Variants in BMS1 observed in about 807,000 individuals in gnomAD.
BMS1 encodes the protein ribosome biogenesis protein BMS1 homolog.
A neutral mutation model predicts 138.7 loss-of-function variants in BMS1; 53 were observed. The observed-to-expected ratio is 0.38, with a 90% CI of 0.31 to 0.48. The LOEUF (loss-of-function observed/expected upper bound fraction) is 0.48, where lower values mean the gene tolerates loss of function less well. BMS1 is among the 20% of genes least tolerant of loss of function. The probability of loss-of-function intolerance (pLI) is 0.97; values close to 1 mark genes in which losing one functional copy is unlikely to be tolerated. For synonymous variants in BMS1, 504 were observed against 539.9 expected (o/e 0.93, Z 0.92); for missense variants, 1,360 against 1,565.5 (o/e 0.87, Z 2.22).
In BMS1 at chr10:42,783,861, A is replaced by AT. The variant is rs1021110901; in HGVS notation, c.-33-494dup. Among the ~76,000 whole-genome samples, 36 of 152,318 alleles carry AT rather than the reference A, an allele frequency of 2.4e-4. 1 individual carries two copies. The highest frequency in any genetic ancestry group is 1.7e-3 in the Admixed American group (26 of 15,304). ...TTGGAGGTTCATAAAAACGTTTCAC[A>AT]TTTTTTTATTAAAATTTAAGTTTTA... On this transcript the variant is annotated intron_variant, in intron 1 of 22. Transcript: ENST00000374518.
chr10:42,806,940 T>C (rs1261244981), intron 13 of BMS1, among the ~76,000 whole-genome samples: 1 of 152,192 alleles, frequency 6.6e-6, no homozygotes, highest in African/African-American at 2.4e-5. Context: ...ATATATGTAC[T>C]ATGTATACTA....
rs147171869 is a variant in BMS1 at position 42,814,396 on chromosome 10, A to ATT, written c.2330-2195_2330-2194dup. On this transcript the variant is annotated intron_variant, in intron 13 of 22. Transcript: ENST00000374518. ...TACTCAATAGAGCCCATCTAGATAG[A>ATT]TTTTTTTTTAATTTCTGTTACTGTA... is the stretch of plus-strand genomic sequence containing the variant. Among the ~76,000 whole-genome samples, 766 of 151,362 alleles carry ATT rather than the reference A, an allele frequency of 5.1e-3. 6 individuals carry two copies. The highest frequency in any genetic ancestry group is 0.013 in the Admixed American group (197 of 15,220).
At chr10:42,827,826 C>T (rs1010603826) in intron 21 of BMS1, among the ~76,000 whole-genome samples, 7 of 152,032 alleles carry the variant, frequency 4.6e-5, no homozygotes, top group African/African-American at 1.5e-4. Flanking sequence ...AGGGGATGAG[C>T]GCAAGGGGCT....
chr10:42,830,556 C>G, intron 22 of BMS1, 134 bp downstream of exon 22: 1 of 1,255,988 alleles, frequency 8.0e-7, no homozygotes, highest in Non-Finnish European at 1.1e-6. Context: ...GAGCCAGAGT[C>G]CATTTCCCTT....
intron 12 of BMS1, among the ~76,000 whole-genome samples, chr10:42,801,499 C>T (rs1472078226): frequency 1.3e-5 from 2 of 152,228 alleles, no homozygotes; most frequent in African/African-American, 2.4e-5. Context: ...CAGTTCTTCA[C>T]CAGCACTTGC....
chr10:42,797,045 A>G lies in BMS1; in HGVS notation c.1801A>G (p.Ser601Gly). The change falls in exon 10 of 23, where the codon AGT becomes GGT. Residue 601 changes from serine to glycine, a missense_variant. Around this residue, in one of 3 missense-constraint regions of BMS1, gnomAD observed 697 missense variants for 686.2 expected, o/e 1.02. Transcript: ENST00000374518. ...TGAATCTGAAGAAAGCTCCTCACTC[A>G]GTGCAGAGGAAGAAGACTCAGAAAA... ...EDESEESSSL[S>G]AEEEDSENEE... The G allele has an allele frequency of 6.2e-7, 1 of 1,614,172 alleles. No individual in the cohort carries two copies. Among genetic ancestry groups the G allele is most frequent in the East Asian group, 2.2e-5 (1 of 44,890 alleles).
chr10:42,791,756 A>G lies in BMS1; in HGVS notation c.766A>G (p.Ile256Val). The G allele has an allele frequency of 6.2e-7, 1 of 1,603,762 alleles. No individual in the cohort carries two copies. Among genetic ancestry groups the G allele is most frequent in the Non-Finnish European group, 8.5e-7 (1 of 1,177,524 alleles). The change falls in exon 6 of 23, where the codon ATC becomes GTC. Residue 256 changes from isoleucine (I) to valine (V), a missense_variant. Ile to Val is a conservative substitution (Grantham distance 29). Coordinates refer to ENST00000374518, the MANE Select transcript of BMS1 (RefSeq NM_014753.4). ...PLTWQTSHPY[I>V]LADRMEDLTN... The stretch of plus-strand genomic sequence containing the variant: ...CACATGGCAAACTTCTCACCCTTAT[A>G]TCCTGGCAGACAGGTAAAATATGAT...
At chr10:42,809,176 A>G (rs371963027) in intron 13 of BMS1, among the ~76,000 whole-genome samples, 30 of 152,218 alleles carry the variant, frequency 2.0e-4, no homozygotes, top group African/African-American at 7.2e-4. Flanking sequence ...TTTCATCAGT[A>G]TTATGATTTT....
At chr10:42,809,870 C>T (rs999686596) in intron 13 of BMS1, among the ~76,000 whole-genome samples, 2 of 152,024 alleles carry the variant, frequency 1.3e-5, no homozygotes, top group African/African-American at 2.4e-5. Context: ...ACCACAGCAT[C>T]GACCTCCTAT....
intron 21 of BMS1, among the ~76,000 whole-genome samples, chr10:42,826,636 G>A (rs1842653901): frequency 6.6e-6 from 1 of 152,184 alleles, no homozygotes; most frequent in African/African-American, 2.4e-5. Context: ...AAGGAAGCAG[G>A]GTTCTACAGT....
intron 12 of BMS1, among the ~76,000 whole-genome samples, chr10:42,799,958 C>T (rs942613790): frequency 1.3e-5 from 2 of 152,072 alleles, no homozygotes; most frequent in Non-Finnish European, 2.9e-5. Flanking sequence ...TGTAGAGTTT[C>T]TTGTATTCTG....
At chr10:42,789,792 G>T (rs1224476962) in intron 4 of BMS1, among the ~76,000 whole-genome samples, 1 of 152,034 alleles carries the variant, frequency 6.6e-6, no homozygotes, top group East Asian at 1.9e-4. Flanking sequence ...CATTGATTAT[G>T]ACTCTCTTCC....
intron 21 of BMS1, among the ~76,000 whole-genome samples, chr10:42,826,933 G>A (rs1230521197): frequency 1.3e-5 from 2 of 152,166 alleles, no homozygotes; most frequent in Non-Finnish European, 2.9e-5. Context: ...GCGTGGCCCC[G>A]CAGGGTGGGG....
intron 19 of BMS1, among the ~76,000 whole-genome samples, chr10:42,822,728 T>C (rs1041319049): frequency 2.2e-4 from 34 of 152,312 alleles, no homozygotes; most frequent in South Asian, 6.2e-4. Flanking sequence ...TATAAGGTAA[T>C]AATACCACCA....
intron 3 of BMS1, among the ~76,000 whole-genome samples, chr10:42,786,228 A>G (rs1589128969): frequency 6.6e-6 from 1 of 152,332 alleles, no homozygotes; most frequent in East Asian, 1.9e-4. Flanking sequence ...ATGAAGCCAC[A>G]TTCTGGTGGA....
chr10:42,800,778 C>T (rs911115160), intron 12 of BMS1, among the ~76,000 whole-genome samples: 4 of 152,160 alleles, frequency 2.6e-5, no homozygotes, highest in Non-Finnish European at 4.4e-5. Flanking sequence ...CCACGTGCCT[C>T]GGCCTCCCAA....
chr10:42,795,624 T>C (rs938191828), intron 9 of BMS1, among the ~76,000 whole-genome samples: 24 of 152,034 alleles, frequency 1.6e-4, no homozygotes, highest in Admixed American at 1.5e-3. Context: ...CCTGGCCTAT[T>C]ATTGCTGTAT....
intron 13 of BMS1, among the ~76,000 whole-genome samples, chr10:42,803,253 C>G (rs562734740): frequency 6.6e-6 from 1 of 152,298 alleles, no homozygotes; most frequent in Non-Finnish European, 1.5e-5. Flanking sequence ...ATACTCCTGC[C>G]TCAGCCTCCT....
chr10:42,793,762 C>G (rs1426120292), intron 8 of BMS1, 90 bp from the exon 9 acceptor site: 3 of 1,441,434 alleles, frequency 2.1e-6, no homozygotes, highest in South Asian at 1.3e-5. Context: ...GGAAATGTGT[C>G]TAAGATAATT....
Sources: gnomAD v4.1 joint callset for allele counts (sites outside exome capture counted in the v4.1 genomes callset) on GRCh38, gnomAD v4.1.1 for gene constraint, gnomAD v4.1.1 regional missense constraint, MANE v1.5 for transcripts, NCBI Gene and HGNC (gene_info 2026-07-23, HGNC 2026-07-21) for gene names.